CDIN1: variants seen among roughly 807,000 people sequenced by gnomAD.
CDIN1 encodes CDAN1 interacting nuclease 1, also known as CDAN1-interacting nuclease 1.
In CDIN1, 33 loss-of-function variants were observed where a neutral mutation model predicts 45.3. That is an observed-to-expected ratio of 0.73 (90% CI 0.55 to 0.97). The LOEUF (loss-of-function observed/expected upper bound fraction) is 0.97, where lower values mean the gene tolerates loss of function less well. Among genes scored for constraint, CDIN1 ranks in the 50% least tolerant of loss-of-function variants. The pLI, the probability that CDIN1 is intolerant of heterozygous loss-of-function variation, is 0.00. For synonymous variants in CDIN1, 118 were observed against 124.4 expected (o/e 0.95, Z 0.34); for missense variants, 303 against 339.4 (o/e 0.89, Z 0.84).
chr15:36,664,787 C>T (rs1276361553), intron 5 of CDIN1, among the ~76,000 whole-genome samples: 1 of 152,190 alleles, frequency 6.6e-6, no homozygotes, highest in African/African-American at 2.4e-5. Flanking sequence ...ACCTCGTGAT[C>T]CGCCCGCCTT....
At chr15:36,591,556 TA>T (rs2037575112) in intron 1 of CDIN1, among the ~76,000 whole-genome samples, 1 of 152,148 alleles carries the variant, frequency 6.6e-6, no homozygotes, top group African/African-American at 2.4e-5. Flanking sequence ...CTAAAATATA[TA>T]AAGATAAAAA....
At chr15:36,597,360 T>A (rs74008663) in intron 1 of CDIN1, among the ~76,000 whole-genome samples, 3,316 of 152,310 alleles carry the variant, frequency 0.022, 119 homozygotes, top group African/African-American at 0.077. Flanking sequence ...TCTTACTGAA[T>A]TTTTTGATAC....
chr15:36,761,842 GC>G (rs1351457986), intron 10 of CDIN1, among the ~76,000 whole-genome samples: 4 of 152,134 alleles, frequency 2.6e-5, no homozygotes, highest in Admixed American at 2.0e-4. Flanking sequence ...TCTTGAAAAG[GC>G]CCATTATTTT....
chr15:36,615,231 G>T (rs1307331493), intron 1 of CDIN1, among the ~76,000 whole-genome samples: 2 of 152,176 alleles, frequency 1.3e-5, no homozygotes, highest in African/African-American at 4.8e-5. Context: ...GACAGCCTCT[G>T]CAGTCCGTGG....
chr15:36,778,597 A>G (rs1442984504), intron 10 of CDIN1, among the ~76,000 whole-genome samples: 1 of 152,156 alleles, frequency 6.6e-6, no homozygotes, highest in African/African-American at 2.4e-5. Flanking sequence ...TTTAATTTGT[A>G]TGTATTTATC....
chr15:36,616,197 A>G (rs901076767), intron 1 of CDIN1, among the ~76,000 whole-genome samples: 1 of 152,108 alleles, frequency 6.6e-6, no homozygotes, highest in African/African-American at 2.4e-5. Flanking sequence ...TGGAGGTGCC[A>G]TGTTAAGTTT....
At chr15:36,630,196 T>G (rs980354314) in intron 1 of CDIN1, among the ~76,000 whole-genome samples, 1 of 152,182 alleles carries the variant, frequency 6.6e-6, no homozygotes, top group Admixed American at 6.5e-5. Context: ...CAGAGACAAT[T>G]TAATCACTGT....
intron 1 of CDIN1, among the ~76,000 whole-genome samples, chr15:36,630,442 G>T (rs2039631301): frequency 6.6e-6 from 1 of 152,136 alleles, no homozygotes; most frequent in African/African-American, 2.4e-5. Flanking sequence ...TTACCAATCA[G>T]TTTACAGACG....
intron 8 of CDIN1, among the ~76,000 whole-genome samples, chr15:36,700,970 C>G (rs1167492862): frequency 6.6e-6 from 1 of 151,766 alleles, no homozygotes; most frequent in Non-Finnish European, 1.5e-5. Flanking sequence ...CTTGGGAGGC[C>G]AAAGTGGCAG....
intron 2 of CDIN1, 126 bp from the exon 3 acceptor site, chr15:36,645,097 C>T (rs1251417276): frequency 8.4e-6 from 6 of 713,626 alleles, no homozygotes; most frequent in Non-Finnish European, 1.4e-5. Context: ...CACCACAATT[C>T]CCAAGCTGTT....
chr15:36,793,888 C>CG (rs765311331), intron 10 of CDIN1, among the ~76,000 whole-genome samples: 8 of 151,994 alleles, frequency 5.3e-5, no homozygotes, highest in Non-Finnish European at 8.8e-5. Context: ...TTGCAAGTGC[C>CG]GTGCCCAACA....
intron 1 of CDIN1, chr15:36,613,673 G>C: frequency 6.9e-7 from 1 of 1,447,934 alleles, no homozygotes; most frequent in Non-Finnish European, 9.7e-7. Flanking sequence ...CCGTGCTCAG[G>C]AGCGCCTGGC....
intron 8 of CDIN1, chr15:36,708,463 T>A (rs2042947058): frequency 1.1e-4 from 1 of 9,494 alleles, no homozygotes; most frequent in Non-Finnish European, 1.9e-4. Context: ...GGTGGATTTT[T>A]TTTTTTTTTT....
intron 1 of CDIN1, among the ~76,000 whole-genome samples, chr15:36,582,396 A>T (rs1393928614): frequency 1.3e-5 from 2 of 152,208 alleles, no homozygotes; most frequent in Non-Finnish European, 2.9e-5. Flanking sequence ...ATTTAATGCA[A>T]TTAATAAGAG....
intron 1 of CDIN1, among the ~76,000 whole-genome samples, chr15:36,626,084 A>T (rs1018843719): frequency 6.6e-6 from 1 of 151,590 alleles, no homozygotes; most frequent in Admixed American, 6.6e-5. Flanking sequence ...TTAAATATAT[A>T]TTAAAATTAG....
chr15:36,689,081 T>C (rs1189783991), intron 5 of CDIN1, among the ~76,000 whole-genome samples: 1 of 152,202 alleles, frequency 6.6e-6, no homozygotes, highest in Non-Finnish European at 1.5e-5. Flanking sequence ...CTCTGGCAAG[T>C]TTCCTTTCAT....
At chr15:36,669,151 G>A (rs1213851831) in intron 5 of CDIN1, 1 of 152,080 alleles carries the variant, frequency 6.6e-6, no homozygotes, top group African/African-American at 2.4e-5. Flanking sequence ...AATGGAGGCT[G>A]GCCTCAATTT....
At chr15:36,716,804 A>C (rs151164549) in intron 10 of CDIN1, among the ~76,000 whole-genome samples, 1 of 152,296 alleles carries the variant, frequency 6.6e-6, no homozygotes, top group Non-Finnish European at 1.5e-5. Context: ...TAGTTGCTTT[A>C]TGAAGAAATA....
chr15:36,803,658 T>G (rs905884268), intron 10 of CDIN1, among the ~76,000 whole-genome samples: 1 of 152,212 alleles, frequency 6.6e-6, no homozygotes, highest in African/African-American at 2.4e-5. Flanking sequence ...CTTGGCTACT[T>G]TCAAGCATTG....
Sources: allele counts gnomAD v4.1 joint callset (sites outside exome capture counted in the v4.1 genomes callset), GRCh38; gene constraint gnomAD v4.1.1; transcripts MANE v1.5; gene names NCBI Gene and HGNC (gene_info 2026-07-23, HGNC 2026-07-21).